Variants in CACNA1A observed in about 807,000 individuals in gnomAD.
CACNA1A encodes the protein voltage-dependent P/Q-type calcium channel subunit alpha-1A.
In CACNA1A, 57 loss-of-function variants were observed where a neutral mutation model predicts 262.4. The observed-to-expected ratio is 0.22, with a 90% CI of 0.18 to 0.27. The LOEUF is 0.27. Among genes scored for constraint, CACNA1A ranks in the 10% least tolerant of loss-of-function variants. The pLI is 1.00. For missense variants in CACNA1A, 2,526 were observed against 3,562.8 expected (o/e 0.71, Z 7.41); for synonymous variants, 1,431 against 1,419.3 (o/e 1.01, Z -0.18).
At chr19:13,406,514 A>ATGTATGT in intron 3 of CACNA1A, among the ~76,000 whole-genome samples, 1 of 77,324 alleles carries the variant, frequency 1.3e-5, no homozygotes, top group Admixed American at 1.7e-4. Context: ...TATATATATG[A>ATGTATGT]AGGGAATCTG....
At chr19:13,263,207 A>T in intron 24 of CACNA1A, 1 of 221,294 alleles carries the variant, frequency 4.5e-6, no homozygotes, top group Non-Finnish European at 9.2e-6. Flanking sequence ...TGGCTCTGTC[A>T]CCAAGGCTGG....
chr19:13,246,157 G>GCT (rs1348055042), intron 30 of CACNA1A, among the ~76,000 whole-genome samples: 1 of 152,232 alleles, frequency 6.6e-6, no homozygotes, highest in Admixed American at 6.5e-5. Flanking sequence ...TGCTACCACA[G>GCT]CTGTGTGGCT....
intron 3 of CACNA1A, among the ~76,000 whole-genome samples, chr19:13,384,145 C>T (rs2059568692): frequency 6.6e-6 from 1 of 152,176 alleles, no homozygotes; most frequent in Non-Finnish European, 1.5e-5. Flanking sequence ...ATTTATTATT[C>T]ATGCTTTCTT....
At chr19:13,360,394 CACTT>C (rs908939050) in intron 5 of CACNA1A, among the ~76,000 whole-genome samples, 2 of 151,550 alleles carry the variant, frequency 1.3e-5, no homozygotes, top group Non-Finnish European at 2.9e-5. Flanking sequence ...CCAATTTAGA[CACTT>C]ACCTATTTAC....
At chr19:13,411,246 C>G (rs2060104578) in intron 3 of CACNA1A, among the ~76,000 whole-genome samples, 3 of 152,166 alleles carry the variant, frequency 2.0e-5, no homozygotes, top group Admixed American at 2.0e-4. Flanking sequence ...GTCTCCTTCC[C>G]CATTTTATTT....
chr19:13,302,500 T>C (rs1365235450), intron 17 of CACNA1A, among the ~76,000 whole-genome samples: 5 of 152,156 alleles, frequency 3.3e-5, no homozygotes, highest in African/African-American at 1.2e-4. Context: ...CTGAATAGGA[T>C]TAAAAACACG....
intron 4 of CACNA1A, among the ~76,000 whole-genome samples, chr19:13,369,076 T>C (rs2059271896): frequency 6.7e-6 from 1 of 150,040 alleles, no homozygotes; most frequent in Non-Finnish European, 1.5e-5. Context: ...ATGTGGGTGC[T>C]AACAGATGCA....
intron 30 of CACNA1A, among the ~76,000 whole-genome samples, chr19:13,251,160 C>A (rs988315162): frequency 6.8e-6 from 1 of 146,042 alleles, no homozygotes; most frequent in Non-Finnish European, 1.5e-5. Context: ...TTAAAAATGG[C>A]GATCTAACAA....
chr19:13,244,875 TTGAG>T, intron 31 of CACNA1A: 1 of 344,502 alleles, frequency 2.9e-6, no homozygotes, highest in East Asian at 4.8e-5. Context: ...TTCAGAGCTT[TTGAG>T]TGTCTCAGTT....
chr19:13,240,781 G>A lies in CACNA1A; in HGVS notation c.4950+4401C>T, dbSNP rs564221544. ...CAGTGACTGTGTGCACAGTGTGTGC[G>A]CAGTGACTGAGTGTGTGCACAGTGA... On this transcript the variant is annotated intron_variant, in intron 31 of 46. Coordinates refer to ENST00000360228, the MANE Select transcript of CACNA1A (RefSeq NM_001127222.2). 8.3e-4 allele frequency among the ~76,000 whole-genome samples: 125 copies of A among 151,064 alleles called. 5 individuals carry two copies. In the Middle Eastern group the frequency reaches 0.01, roughly 12 times the overall value.
At chr19:13,209,211 C>T in intron 45 of CACNA1A, 101 bp downstream of exon 45, 1 of 1,358,716 alleles carries the variant, frequency 7.4e-7, no homozygotes, top group Non-Finnish European at 9.7e-7. Context: ...TCCATGGAGG[C>T]CTCTCCCTTT....
intron 3 of CACNA1A, among the ~76,000 whole-genome samples, chr19:13,397,659 C>T (rs1379800288): frequency 6.6e-6 from 1 of 152,004 alleles, no homozygotes; most frequent in African/African-American, 2.4e-5. Flanking sequence ...TGAGGACCCA[C>T]GCAAAGACTC....
At chr19:13,246,801 A>G (rs918499265) in intron 30 of CACNA1A, among the ~76,000 whole-genome samples, 1 of 150,338 alleles carries the variant, frequency 6.7e-6, no homozygotes, top group African/African-American at 2.5e-5. Flanking sequence ...AATTTTTTGT[A>G]TTTTTTAGTA....
intron 3 of CACNA1A, among the ~76,000 whole-genome samples, chr19:13,409,622 T>C (rs1455507806): frequency 2.6e-5 from 4 of 152,164 alleles, no homozygotes; most frequent in Admixed American, 1.3e-4. Flanking sequence ...CTTGGCTCAC[T>C]GCAACCTCCA....
chr19:13,367,447 G>A (rs1198312059), intron 4 of CACNA1A, among the ~76,000 whole-genome samples: 2 of 151,962 alleles, frequency 1.3e-5, no homozygotes, highest in Non-Finnish European at 2.9e-5. Context: ...AAGGCAGGGG[G>A]CCAGGTGTGG....
intron 4 of CACNA1A, among the ~76,000 whole-genome samples, chr19:13,370,176 C>T (rs1195339190): frequency 1.3e-5 from 2 of 151,970 alleles, no homozygotes; most frequent in African/African-American, 4.8e-5. Context: ...TTTCAGCTCA[C>T]TGCAACCTCC....
chr19:13,461,770 C>A lies in CACNA1A; in HGVS notation c.294-6558G>T, dbSNP rs144377261. Among the ~76,000 whole-genome samples the A allele has an allele frequency of 1.1e-3, 172 of 152,260 alleles. 6 individuals are homozygous for A. In the East Asian group the frequency reaches 0.028, roughly 24 times the overall value. On this transcript the variant is annotated intron_variant, in intron 1 of 46. Transcript: ENST00000360228. ...CCCTGATTGGCTCGGAGAGAAAGCACCTGTGTCAGCGGGATCCAGAAAAAT... is the reference window on the plus strand; with the variant it reads ...CCCTGATTGGCTCGGAGAGAAAGCAACTGTGTCAGCGGGATCCAGAAAAAT...
intron 15 of CACNA1A, 62 bp from the exon 16 acceptor site, chr19:13,303,946 G>T: frequency 8.2e-7 from 1 of 1,212,640 alleles, no homozygotes; most frequent in Non-Finnish European, 1.2e-6. Context: ...CCTTGGAGAT[G>T]CAGCTGTGGA....
At chr19:13,482,066 A>G (rs528610437) in intron 1 of CACNA1A, among the ~76,000 whole-genome samples, 1 of 152,144 alleles carries the variant, frequency 6.6e-6, no homozygotes, top group Non-Finnish European at 1.5e-5. Flanking sequence ...TTTTCACTTA[A>G]AGGGAAAGAA....
Sources: gnomAD v4.1 joint callset for allele counts (sites outside exome capture counted in the v4.1 genomes callset) on GRCh38, gnomAD v4.1.1 for gene constraint, MANE v1.5 for transcripts, NCBI Gene and HGNC (gene_info 2026-07-23, HGNC 2026-07-21) for gene names.